Variants in RPS6KA3 observed in about 807,000 individuals in gnomAD.
The protein encoded by RPS6KA3 is ribosomal protein S6 kinase alpha-3.
In RPS6KA3, 4 loss-of-function variants were observed where a neutral mutation model predicts 67.2. The observed-to-expected ratio is 0.06, with a 90% CI of 0.03 to 0.14. The LOEUF is 0.14. Among genes scored for constraint, RPS6KA3 ranks in the 10% least tolerant of loss-of-function variants. RPS6KA3 has a pLI of 1.00. For missense variants in RPS6KA3, 204 were observed against 559.0 expected, an observed-to-expected ratio of 0.36 and a Z score of 6.40; for synonymous variants, 182 against 183.7, an observed-to-expected ratio of 0.99 and a Z score of 0.07.
chrX:20,218,033 C>A (rs1053085926), intron 2 of RPS6KA3, among the ~76,000 whole-genome samples: 50 of 111,831 alleles, frequency 4.5e-4, no homozygotes, highest in Non-Finnish European at 9.4e-5. Flanking sequence ...TTTGAGAAAA[C>A]AGCAAGCTGG....
intron 1 of RPS6KA3, chrX:20,235,425 A>G (rs946742817): frequency 1.1e-4 from 12 of 106,454 alleles, no homozygotes; most frequent in Admixed American, 3.0e-4. Context: ...AACTGATTAC[A>G]AAAAAAAAAG....
intron 1 of RPS6KA3, among the ~76,000 whole-genome samples, chrX:20,248,663 C>CT: frequency 9.0e-6 from 1 of 111,074 alleles, no homozygotes; most frequent in South Asian, 3.7e-4. Context: ...TTTGTATAAA[C>CT]TTTTTTTCTT....
At chrX:20,178,790 C>T (rs890937567) in intron 10 of RPS6KA3, among the ~76,000 whole-genome samples, 7 of 108,775 alleles carry the variant, frequency 6.4e-5, no homozygotes, top group Admixed American at 6.0e-4. Context: ...TATTTATTTC[C>T]AGCACCTCTT....
rs2067161632 is a variant in RPS6KA3 at position 20,155,135 on chromosome X, A to G, written c.*263T>C. On this transcript the variant is annotated 3_prime_UTR_variant, in exon 22 of 22. Coordinates refer to ENST00000379565, the MANE Select transcript of RPS6KA3 (RefSeq NM_004586.3). ...ATTTTTAGGTGGTATTCATATGTTC[A>G]TTATTTTTCTCATTGATTCAGTGAC... The G allele has an allele frequency of 5.3e-6, 2 of 377,419 alleles. No homozygotes were observed. Among genetic ancestry groups the G allele is most frequent in the Non-Finnish European group, 9.4e-6 (2 of 212,677 alleles). The allele number at this position is 377,419 out of a possible 1,213,427, so 31.1% of individuals were successfully genotyped here.
chrX:20,185,705 T>C (rs1475484544), intron 10 of RPS6KA3, among the ~76,000 whole-genome samples: 1 of 111,854 alleles, frequency 8.9e-6, no homozygotes, highest in Non-Finnish European at 1.9e-5. Context: ...ACTTACCATA[T>C]TGGCTAGGAC....
Position 20,150,700 on chromosome X carries a change from A to G in RPS6KA3, c.*4698T>C, listed in dbSNP as rs1280143483. ...AGATGTTCACTTCCATTAGACAATG[A>G]ACTAATCTACTTAGAGAGGACTATT... On this transcript the variant is annotated 3_prime_UTR_variant, in exon 22 of 22. Transcript: ENST00000379565. 1 of 112,403 alleles carries G rather than the reference A, an allele frequency of 8.9e-6. No homozygotes were observed. The highest frequency in any genetic ancestry group is 1.9e-5 in the Non-Finnish European group (1 of 53,188). The allele number at this position is 112,403 out of a possible 1,213,427, so 9.3% of individuals were successfully genotyped here.
At chrX:20,260,528 T>G (rs774834490) in intron 1 of RPS6KA3, among the ~76,000 whole-genome samples, 5 of 111,695 alleles carry the variant, frequency 4.5e-5, no homozygotes, top group Non-Finnish European at 5.7e-5. Flanking sequence ...TAAAGAGATT[T>G]CTGTTCCCCT....
chrX:20,205,868 A>G (rs1401237122), intron 3 of RPS6KA3, among the ~76,000 whole-genome samples: 1 of 112,527 alleles, frequency 8.9e-6, no homozygotes, highest in Non-Finnish European at 1.9e-5. Context: ...TTAACACTCC[A>G]GCACTTCTTA....
chrX:20,228,534 T>C (rs1015500066), intron 2 of RPS6KA3, among the ~76,000 whole-genome samples: 1 of 111,386 alleles, frequency 9.0e-6, no homozygotes, highest in Non-Finnish European at 1.9e-5. Flanking sequence ...GGTGCCCAAG[T>C]ATACAGCTTC....
In RPS6KA3 at chrX:20,187,861, C is replaced by G; in HGVS notation, c.741G>C (p.Gln247His). The G allele has an allele frequency of 8.3e-7, 1 of 1,209,158 alleles. No individual in the cohort carries two copies. The highest frequency in any genetic ancestry group is 1.1e-6 in the Non-Finnish European group (1 of 893,239). Reference protein sequence around the residue: ...PEVVNRRGHTQSADWWSFGVL... With the variant: ...PEVVNRRGHTHSADWWSFGVL... ...CACCAAAAGACCACCAGTCAGCACT[C>G]TGAGTATGACCTCGACGATTAACTA... The change falls in exon 9 of 22, where the codon CAG becomes CAC. Residue 247 changes from glutamine to histidine, a missense_variant. Coordinates refer to ENST00000379565, the MANE Select transcript of RPS6KA3 (RefSeq NM_004586.3).
chrX:20,171,799 A>T lies in RPS6KA3; in HGVS notation c.1353+947T>A, dbSNP rs755899474. The stretch of plus-strand genomic sequence containing the variant: ...TACATTATTAGTCTTTTCTCCTTTC[A>T]TGTAAGCAATTTGAAAACTTCTATG... On this transcript the variant is annotated intron_variant, in intron 15 of 21. Transcript: ENST00000379565. Among the ~76,000 whole-genome samples the T allele has an allele frequency of 2.7e-5, 3 of 112,254 alleles. No individual in the cohort carries two copies. In the South Asian group the frequency reaches 1.1e-3, roughly 41 times the overall value.
intron 17 of RPS6KA3, among the ~76,000 whole-genome samples, chrX:20,166,239 T>C (rs998785489): frequency 8.9e-6 from 1 of 111,904 alleles, no homozygotes; most frequent in Non-Finnish European, 1.9e-5. Context: ...TGTGTTCCAA[T>C]CAATCAAATT....
At chrX:20,193,466 C>G (rs747895310) in intron 7 of RPS6KA3, 21 bp downstream of exon 7, 58 of 904,232 alleles carry the variant, frequency 6.4e-5, no homozygotes, top group Non-Finnish European at 8.9e-5. Context: ...TTGTATTCAA[C>G]TTAGTAGCAT....
chrX:20,188,064 A>T, intron 8 of RPS6KA3, 94 bp from the exon 9 acceptor site: 3 of 858,321 alleles, frequency 3.5e-6, no homozygotes, highest in Non-Finnish European at 5.0e-6. Flanking sequence ...AATTTCTAAT[A>T]CAAGTTTTTT....
At chrX:20,177,507 T>C (rs1288423876) in intron 10 of RPS6KA3, among the ~76,000 whole-genome samples, 1 of 112,858 alleles carries the variant, frequency 8.9e-6, no homozygotes, top group East Asian at 2.8e-4. Context: ...ATGTACAGGT[T>C]TTCATGTGAA....
At chrX:20,179,748 T>C (rs2067795939) in intron 10 of RPS6KA3, among the ~76,000 whole-genome samples, 1 of 111,453 alleles carries the variant, frequency 9.0e-6, no homozygotes, top group African/African-American at 3.3e-5. Flanking sequence ...GAGGGAAAGT[T>C]TGTTGAGAAA....
chrX:20,266,963 C>T, upstream of RPS6KA3: 1 of 747,278 alleles, frequency 1.3e-6, no homozygotes, highest in Non-Finnish European at 1.6e-6. Flanking sequence ...CGCCGGTTCC[C>T]GCGCCCGCTC....
intron 11 of RPS6KA3, 93 bp from the exon 12 acceptor site, chrX:20,176,591 T>G: frequency 1.8e-6 from 1 of 545,708 alleles, no homozygotes; most frequent in Non-Finnish European, 3.1e-6. Context: ...ATTAATTAAT[T>G]AATTAATTAA....
rs1241190802 is a variant in RPS6KA3 at position 20,153,087 on chromosome X, G to A, written c.*2311C>T. ...CTTCTAGTTCTAAAATACTATGATG[G>A]ACAATACTCCTAAGCAATTACGGAG... is the stretch of plus-strand genomic sequence containing the variant. On this transcript the variant is annotated 3_prime_UTR_variant, in exon 22 of 22. Coordinates refer to ENST00000379565, the MANE Select transcript of RPS6KA3 (RefSeq NM_004586.3). 6 of 111,659 alleles carry A rather than the reference G, an allele frequency of 5.4e-5. No individual in the cohort carries two copies. The East Asian group carries it at 1.4e-3, about 26-fold the overall frequency. The allele number at this position is 111,659 out of a possible 1,213,427, so 9.2% of individuals were successfully genotyped here. A position where few individuals can be genotyped will look rare whatever the true frequency, so the allele number is the denominator to read the frequency against.
Sources: allele counts gnomAD v4.1 joint callset (sites outside exome capture counted in the v4.1 genomes callset), GRCh38; gene constraint gnomAD v4.1.1; transcripts MANE v1.5; gene names NCBI Gene and HGNC (gene_info 2026-07-23, HGNC 2026-07-21).